Variants in CSMD2 observed in about 807,000 individuals in gnomAD.
CSMD2 encodes the protein CUB and sushi domain-containing protein 2.
Under a neutral mutation model 398.5 loss-of-function variants are expected in CSMD2, and 130 were observed. That is an observed-to-expected ratio of 0.33 (90% CI 0.28 to 0.38). The LOEUF is 0.38. Among genes scored for constraint, CSMD2 ranks in the 10% least tolerant of loss-of-function variants. The pLI is 1.00. For synonymous variants in CSMD2, 1,828 were observed against 1,908.5 expected (o/e 0.96, Z 1.10); for missense variants, 3,829 against 4,764.9 (o/e 0.80, Z 5.78).
Position 33,724,279 on chromosome 1 carries a change from C to T in CSMD2, c.2919G>A (p.Gly973=), listed in dbSNP as rs1195728364. The T allele has an allele frequency of 6.2e-7, 1 of 1,613,990 alleles. No homozygotes were observed. The highest frequency in any genetic ancestry group is 8.5e-7 in the Non-Finnish European group (1 of 1,179,948). ...CAGGGAACCCTGGCGACAAGATGGTCCCACTGGAGCCTTGAATGAAGCCAC... is the reference window on the plus strand; with the variant it reads ...CAGGGAACCCTGGCGACAAGATGGTTCCACTGGAGCCTTGAATGAAGCCAC... The part of the protein sequence containing the change: ...LCGGFIQGSS[G]TILSPGFPDF... The change falls in exon 19 of 71, where the codon GGG becomes GGA. Residue 973 remains glycine (G), a synonymous_variant. Coordinates refer to ENST00000373381, the MANE Select transcript of CSMD2 (RefSeq NM_001281956.2).
At chr1:34,035,547 A>C (rs1651004514) in intron 2 of CSMD2, among the ~76,000 whole-genome samples, 1 of 152,194 alleles carries the variant, frequency 6.6e-6, no homozygotes. Context: ...AGGCTGGTTC[A>C]ACATTTGAAA....
At chr1:33,924,471 T>C (rs1269724749) in intron 4 of CSMD2, among the ~76,000 whole-genome samples, 1 of 152,250 alleles carries the variant, frequency 6.6e-6, no homozygotes, top group Non-Finnish European at 1.5e-5. Context: ...TTCCATATCT[T>C]TGCTGTTATG....
At chr1:34,130,633 A>C (rs1424865700) in intron 1 of CSMD2, among the ~76,000 whole-genome samples, 1 of 152,110 alleles carries the variant, frequency 6.6e-6, no homozygotes, top group Non-Finnish European at 1.5e-5. Flanking sequence ...AGGTGAGAAC[A>C]GGGGAAGCAG....
intron 13 of CSMD2, among the ~76,000 whole-genome samples, chr1:33,747,572 A>C (rs924174603): frequency 6.6e-6 from 1 of 152,240 alleles, no homozygotes; most frequent in Non-Finnish European, 1.5e-5. Flanking sequence ...AATTCAAAGG[A>C]AACAACAAGG....
At chr1:34,027,414 G>A (rs1044900251) in intron 3 of CSMD2, among the ~76,000 whole-genome samples, 1 of 152,216 alleles carries the variant, frequency 6.6e-6, no homozygotes, top group African/African-American at 2.4e-5. Flanking sequence ...CTTGTGTACT[G>A]TTGGTAGAAG....
Position 33,825,700 on chromosome 1 carries a change from C to G in CSMD2, c.1108G>C (p.Val370Leu). 2 of 1,609,094 alleles carry G rather than the reference C, an allele frequency of 1.2e-6. No homozygotes were observed. The highest frequency in any genetic ancestry group is 1.7e-6 in the Non-Finnish European group (2 of 1,177,822). The change falls in exon 7 of 71, where the codon GTG becomes CTG. Residue 370 changes from valine to leucine, a missense_variant. Val to Leu is a conservative substitution (Grantham distance 32, BLOSUM62 1). Coordinates refer to ENST00000373381, the MANE Select transcript of CSMD2 (RefSeq NM_001281956.2). ...PSKDNSQKTS[V>L]LTQVGVSQGH... ...GGGCTGGCGGGCGGACACTTACACA[C>G]AGACGTCTTCTGGCTGTTGTCTTTG...
intron 2 of CSMD2, among the ~76,000 whole-genome samples, chr1:34,062,658 G>A (rs953943835): frequency 2.6e-5 from 4 of 152,206 alleles, no homozygotes; most frequent in African/African-American, 9.7e-5. Context: ...GCCAGGGGGA[G>A]CCTCCAACAT....
At chr1:33,987,956 T>C (rs1387192899) in intron 3 of CSMD2, among the ~76,000 whole-genome samples, 3 of 152,210 alleles carry the variant, frequency 2.0e-5, no homozygotes, top group African/African-American at 7.2e-5. Flanking sequence ...AAACTCTCCT[T>C]GTCTCCCATT....
chr1:33,642,844 G>T (rs1643191194), intron 29 of CSMD2, among the ~76,000 whole-genome samples: 1 of 152,134 alleles, frequency 6.6e-6, no homozygotes, highest in African/African-American at 2.4e-5. Flanking sequence ...TATTTCCTAA[G>T]ATTCTACCAA....
intron 1 of CSMD2, among the ~76,000 whole-genome samples, chr1:34,117,694 CT>C (rs1310674088): frequency 6.6e-6 from 1 of 151,810 alleles, no homozygotes; most frequent in African/African-American, 2.4e-5. Flanking sequence ...ACCAATATAC[CT>C]GATGAATACA....
intron 3 of CSMD2, among the ~76,000 whole-genome samples, chr1:33,973,520 G>T (rs759136415): frequency 6.6e-6 from 1 of 152,182 alleles, no homozygotes; most frequent in Non-Finnish European, 1.5e-5. Flanking sequence ...CTGCCCCAGG[G>T]GACTCCCAGG....
At chr1:33,646,567 C>T in intron 29 of CSMD2, 81 bp downstream of exon 29, 1 of 1,470,070 alleles carries the variant, frequency 6.8e-7, no homozygotes. Context: ...GCCCAGGGCT[C>T]TCCTCACTAC....
chr1:33,776,723 G>A (rs1652030883), intron 12 of CSMD2, among the ~76,000 whole-genome samples: 1 of 151,986 alleles, frequency 6.6e-6, no homozygotes, highest in Admixed American at 6.6e-5. Context: ...AAGACAACGG[G>A]GCAAAGGAGC....
chr1:34,104,973 T>C (rs1660383822), intron 1 of CSMD2, among the ~76,000 whole-genome samples: 1 of 152,140 alleles, frequency 6.6e-6, no homozygotes, highest in Non-Finnish European at 1.5e-5. Flanking sequence ...ACCTAGCAAA[T>C]CTAACTCACG....
Position 34,038,542 on chromosome 1 carries a change from G to C in CSMD2, c.405-5836C>G, listed in dbSNP as rs150126696. Among the ~76,000 whole-genome samples, 977 of 152,254 alleles carry C rather than the reference G, an allele frequency of 6.4e-3. 13 individuals are homozygous for C. The highest frequency in any genetic ancestry group is 0.048 in the East Asian group (250 of 5,178). On this transcript the variant is annotated intron_variant, in intron 2 of 70. Coordinates refer to ENST00000373381, the MANE Select transcript of CSMD2 (RefSeq NM_001281956.2). ...CAGAGTCTTGAAAATGGGACGGCCA[G>C]GACACCATATACTCCTCATTTCTCA...
At position 33,533,038 on chromosome 1, in the gene CSMD2, A is replaced by G. The variant is rs1206658891; in HGVS notation, c.10171+12T>C. On this transcript the variant is annotated intron_variant, in intron 64 of 70. Coordinates refer to ENST00000373381, the MANE Select transcript of CSMD2 (RefSeq NM_001281956.2). This position sits in a 1 kb window ranked among gnomAD's most constrained non-coding sequence, Gnocchi z 4.2. Reference sequence around the variant, plus strand: ...CCCGCCCTGGAGAGCTTCCCCGAGCAGGCACACTCACCCAGGCAGATGGGC... The same window carrying G: ...CCCGCCCTGGAGAGCTTCCCCGAGCGGGCACACTCACCCAGGCAGATGGGC... 1 of 1,593,136 alleles carries G rather than the reference A, an allele frequency of 6.3e-7. No homozygotes were observed. Among genetic ancestry groups the G allele is most frequent in the South Asian group, 1.1e-5 (1 of 90,174 alleles).
chr1:33,953,283 T>C (rs1645064504), intron 3 of CSMD2, among the ~76,000 whole-genome samples: 1 of 152,196 alleles, frequency 6.6e-6, no homozygotes, highest in African/African-American at 2.4e-5. Flanking sequence ...CCCCACCATA[T>C]TAAACACCTG....
chr1:33,703,972 T>C lies in CSMD2; in HGVS notation c.3577-3299A>G, dbSNP rs573555567. On this transcript the variant is annotated intron_variant, in intron 22 of 70. Transcript: ENST00000373381. ...TATCAACAGTTCTTACTTCCTTTTC[T>C]GTGAATTGCCTGCCTTTTCATACCC... Among the ~76,000 whole-genome samples, 6 of 152,352 alleles carry C rather than the reference T, an allele frequency of 3.9e-5. 1 individual carries two copies. In the South Asian group the frequency reaches 1.2e-3, roughly 32 times the overall value.
At chr1:33,543,485 A>G (rs1220420432) in intron 57 of CSMD2, among the ~76,000 whole-genome samples, 2 of 152,204 alleles carry the variant, frequency 1.3e-5, no homozygotes, top group Admixed American at 6.5e-5. Context: ...AATGGTATTC[A>G]TAGGTGGTTT....
Sources: allele counts gnomAD v4.1 joint callset (sites outside exome capture counted in the v4.1 genomes callset), GRCh38; gene constraint gnomAD v4.1.1; non-coding constraint Gnocchi (gnomAD v3.1); transcripts MANE v1.5; gene names NCBI Gene and HGNC (gene_info 2026-07-23, HGNC 2026-07-21).